Variants in CXCL13 observed in about 807,000 individuals in gnomAD.
CXCL13 encodes the protein C-X-C motif chemokine ligand 13.
CXCL13 carries 7 observed loss-of-function variants against 12.2 expected under a neutral mutation model. That is an observed-to-expected ratio of 0.57 (90% CI 0.33 to 1.07). CXCL13 has a LOEUF of 1.07. CXCL13 is among the 50% of genes least tolerant of loss of function. The pLI is 0.04. For synonymous variants in CXCL13, 47 were observed against 42.4 expected (o/e 1.11, Z -0.42); for missense variants, 113 against 127.4 (o/e 0.89, Z 0.55).
intron 1 of CXCL13, among the ~76,000 whole-genome samples, chr4:77,579,393 A>G (rs1223515097): frequency 2.6e-5 from 4 of 152,230 alleles, no homozygotes; most frequent in Non-Finnish European, 5.9e-5. Flanking sequence ...CTAAGGATGC[A>G]GGCCGTTTGC....
intron 1 of CXCL13, among the ~76,000 whole-genome samples, chr4:77,589,082 A>C (rs765525777): frequency 7.2e-5 from 11 of 152,218 alleles, no homozygotes; most frequent in Non-Finnish European, 1.5e-4. Context: ...CCTTCCTTTG[A>C]TATTGGGCAG....
intron 1 of CXCL13, among the ~76,000 whole-genome samples, chr4:77,533,483 G>A (rs1345534913): frequency 6.6e-6 from 1 of 152,180 alleles, no homozygotes; most frequent in Non-Finnish European, 1.5e-5. Flanking sequence ...CAGGGGTCAG[G>A]GACCCACTTG....
At chr4:77,609,895 C>T (rs1727104029) in intron 2 of CXCL13, among the ~76,000 whole-genome samples, 1 of 152,204 alleles carries the variant, frequency 6.6e-6, no homozygotes, top group South Asian at 2.1e-4. Context: ...TTTAAATTCA[C>T]TGAGCCTAAG....
chr4:77,513,388 A>G (rs1724319884), intron 1 of CXCL13, among the ~76,000 whole-genome samples: 1 of 150,934 alleles, frequency 6.6e-6, no homozygotes, highest in Non-Finnish European at 1.5e-5. Context: ...ACTAATTTAC[A>G]CTCCCACCAA....
At chr4:77,554,608 A>T (rs1725616338) in intron 1 of CXCL13, among the ~76,000 whole-genome samples, 1 of 152,168 alleles carries the variant, frequency 6.6e-6, no homozygotes, top group Admixed American at 6.5e-5. Context: ...TTTACAGAAC[A>T]ACATTTCTAG....
Position 77,605,830 on chromosome 4 carries a change from C to G in CXCL13, c.-36C>G. 6.8e-7 allele frequency: 1 copy of G among 1,475,844 alleles called. No individual in the cohort carries two copies. The highest frequency in any genetic ancestry group is 1.3e-5 in the South Asian group (1 of 78,362). 91.4% of individuals were successfully genotyped at this position (1,475,844 alleles called of 1,614,324 possible). On this transcript the variant is annotated 5_prime_UTR_variant, in exon 1 of 4. Coordinates refer to ENST00000682537, the MANE Select transcript of CXCL13 (RefSeq NM_001371558.1). ...TGGTACTGCAAACCCACAGCCTGGA[C>G]TCAGAGCTCAAGTCTGAACTCTACC...
At chr4:77,518,516 A>C (rs1724489021) in intron 1 of CXCL13, among the ~76,000 whole-genome samples, 4 of 151,500 alleles carry the variant, frequency 2.6e-5, no homozygotes. Flanking sequence ...TTTTCTCTAA[A>C]CTTCCCTTCT....
At chr4:77,532,540 C>T (rs865916691) in intron 1 of CXCL13, among the ~76,000 whole-genome samples, 5 of 152,174 alleles carry the variant, frequency 3.3e-5, no homozygotes, top group South Asian at 2.1e-4. Context: ...TTGCTGTTCT[C>T]GAGGAGTATC....
chr4:77,512,677 T>C (rs915201530), intron 1 of CXCL13, among the ~76,000 whole-genome samples: 12 of 152,160 alleles, frequency 7.9e-5, no homozygotes, highest in Non-Finnish European at 1.5e-5. Flanking sequence ...TGTCTCCAAA[T>C]ACAGTATTAT....
Position 77,519,518 on chromosome 4 carries a change from T to C in CXCL13, c.-43+7730T>C, listed in dbSNP as rs958502108. On this transcript the variant is annotated intron_variant, in intron 1 of 4. Coordinates refer to the CXCL13 transcript ENST00000286758. ...TCTGTTGGCTGCATAAATGTCCTCTTTTGAGAAGTGTCTGTTCATATCCTT... is the reference window on the plus strand; with the variant it reads ...TCTGTTGGCTGCATAAATGTCCTCTCTTGAGAAGTGTCTGTTCATATCCTT... Among the ~76,000 whole-genome samples the C allele has an allele frequency of 2.6e-5, 4 of 152,206 alleles. No homozygotes were observed. In the South Asian group the frequency reaches 8.3e-4, roughly 32 times the overall value.
chr4:77,568,913 C>T (rs778110241), intron 1 of CXCL13, among the ~76,000 whole-genome samples: 11 of 152,030 alleles, frequency 7.2e-5, no homozygotes, highest in Non-Finnish European at 1.6e-4. Flanking sequence ...TTATTTAATG[C>T]TTTGCTATAG....
At chr4:77,556,404 TA>T (rs1259690643) in intron 1 of CXCL13, among the ~76,000 whole-genome samples, 1 of 152,060 alleles carries the variant, frequency 6.6e-6, no homozygotes, top group Non-Finnish European at 1.5e-5. Flanking sequence ...AACTAACCCA[TA>T]GTGACAGAAA....
chr4:77,546,409 T>C (rs1015957708), intron 1 of CXCL13, among the ~76,000 whole-genome samples: 162 of 152,304 alleles, frequency 1.1e-3, no homozygotes, highest in African/African-American at 3.7e-3. Flanking sequence ...CTATTAATTA[T>C]CACCTCAATT....
chr4:77,594,276 TCTCCTTCTGCCCTGAAAA>T (rs1726691381), intron 1 of CXCL13, among the ~76,000 whole-genome samples: 1 of 152,066 alleles, frequency 6.6e-6, no homozygotes, highest in Admixed American at 6.5e-5. Flanking sequence ...AGGTCCAGTT[TCTCCTTCTGCCCTGAAAA>T]CCTGGGTCCA....
At chr4:77,559,697 C>T (rs1197401347) in intron 1 of CXCL13, among the ~76,000 whole-genome samples, 2 of 151,962 alleles carry the variant, frequency 1.3e-5, no homozygotes, top group Non-Finnish European at 2.9e-5. Context: ...CCGAGGCAGG[C>T]AGATCACGAG....
intron 1 of CXCL13, among the ~76,000 whole-genome samples, chr4:77,547,842 A>G (rs939100272): frequency 6.6e-6 from 1 of 152,098 alleles, no homozygotes; most frequent in African/African-American, 2.4e-5. Flanking sequence ...GGTCTTTACA[A>G]TTTGGTATGT....
intron 2 of CXCL13, among the ~76,000 whole-genome samples, chr4:77,609,464 C>A (rs987750216): frequency 6.6e-6 from 1 of 151,812 alleles, no homozygotes; most frequent in African/African-American, 2.4e-5. Context: ...AGGTGCACAC[C>A]ACCATGCCCA....
At chr4:77,563,240 G>A (rs923351571) in intron 1 of CXCL13, among the ~76,000 whole-genome samples, 2 of 152,068 alleles carry the variant, frequency 1.3e-5, no homozygotes, top group African/African-American at 4.8e-5. Flanking sequence ...AAGTCAGTGA[G>A]ACCAAGAACC....
intron 1 of CXCL13, among the ~76,000 whole-genome samples, chr4:77,534,406 A>G (rs1463394566): frequency 6.6e-6 from 1 of 152,208 alleles, no homozygotes; most frequent in Non-Finnish European, 1.5e-5. Flanking sequence ...ACTACCCAGA[A>G]ATAAAACGAC....
Sources: allele counts gnomAD v4.1 joint callset (sites outside exome capture counted in the v4.1 genomes callset), GRCh38; gene constraint gnomAD v4.1.1; transcripts MANE v1.5; gene names NCBI Gene and HGNC (gene_info 2026-07-23, HGNC 2026-07-21).